ZC3H3: variants seen among roughly 807,000 people sequenced by gnomAD.
ZC3H3 encodes the protein zinc finger CCCH-type containing 3.
In ZC3H3, 36 loss-of-function variants were observed where a neutral mutation model predicts 77.3. The ratio of observed to expected loss-of-function variants is 0.47; its 90% CI spans 0.36 to 0.61. The LOEUF (loss-of-function observed/expected upper bound fraction) is 0.61, where lower values mean the gene tolerates loss of function less well. Among genes scored for constraint, ZC3H3 ranks in the 20% least tolerant of loss-of-function variants. ZC3H3 has a pLI of 0.00. For missense variants in ZC3H3, 1,331 were observed against 1,312.2 expected, an observed-to-expected ratio of 1.01 and a Z score of -0.22; for synonymous variants, 626 against 555.2, an observed-to-expected ratio of 1.13 and a Z score of -1.79.
intron 3 of ZC3H3, among the ~76,000 whole-genome samples, chr8:143,529,242 G>C (rs11782859): frequency 0.15 from 22,376 of 147,854 alleles, 1,769 homozygotes; most frequent in Admixed American, 0.22. Context: ...TGGTCACCGG[G>C]AGAAGCCGCT....
intron 4 of ZC3H3, among the ~76,000 whole-genome samples, chr8:143,483,111 C>A (rs1259716005): frequency 6.6e-6 from 1 of 150,502 alleles, no homozygotes; most frequent in Non-Finnish European, 1.5e-5. Context: ...GGAGCCCGAG[C>A]GGGGAGTGCG....
At chr8:143,461,008 G>A (rs1244957069) in intron 9 of ZC3H3, among the ~76,000 whole-genome samples, 1 of 152,136 alleles carries the variant, frequency 6.6e-6, no homozygotes. Context: ...CAGGAGTGAG[G>A]AAAACATTTT....
chr8:143,453,469 G>C (rs1307962236), intron 9 of ZC3H3, among the ~76,000 whole-genome samples: 1 of 152,144 alleles, frequency 6.6e-6, no homozygotes, highest in East Asian at 1.9e-4. Flanking sequence ...ATAAGGAAGA[G>C]GCATAACATT....
intron 8 of ZC3H3, among the ~76,000 whole-genome samples, chr8:143,467,311 G>A (rs377078444): frequency 3.3e-5 from 5 of 152,168 alleles, no homozygotes; most frequent in African/African-American, 9.7e-5. Context: ...TTTGCACCCC[G>A]CCACGTCCAC....
chr8:143,473,285 G>A (rs1003141638), intron 5 of ZC3H3, among the ~76,000 whole-genome samples: 5 of 152,026 alleles, frequency 3.3e-5, no homozygotes, highest in Admixed American at 6.6e-5. Flanking sequence ...TCTGCATGGC[G>A]GCCTCAGGAT....
chr8:143,483,005 A>G (rs1165566312), intron 4 of ZC3H3, among the ~76,000 whole-genome samples: 1 of 152,244 alleles, frequency 6.6e-6, no homozygotes, highest in African/African-American at 2.4e-5. Context: ...CGCCCAGGCC[A>G]GTGGCAACGT....
chr8:143,463,363 G>T (rs920005624), intron 9 of ZC3H3, among the ~76,000 whole-genome samples: 1 of 152,176 alleles, frequency 6.6e-6, no homozygotes, highest in African/African-American at 2.4e-5. Flanking sequence ...GAGCATCTGG[G>T]TGCCAGAAAG....
At chr8:143,505,204 C>G (rs1821650754) in intron 4 of ZC3H3, among the ~76,000 whole-genome samples, 1 of 152,216 alleles carries the variant, frequency 6.6e-6, no homozygotes, top group South Asian at 2.1e-4. Flanking sequence ...GCTCTGGTCT[C>G]AGGCTCCAGC....
chr8:143,526,472 G>A (rs928498595), intron 3 of ZC3H3, among the ~76,000 whole-genome samples: 3 of 152,194 alleles, frequency 2.0e-5, no homozygotes, highest in Non-Finnish European at 4.4e-5. Context: ...TCAGGACCCC[G>A]CCCAGCACGC....
chr8:143,455,978 C>CA (rs58754874), intron 9 of ZC3H3, among the ~76,000 whole-genome samples: 18,270 of 40,428 alleles, frequency 0.45, 4,122 homozygotes, highest in South Asian at 0.54. Context: ...GACTCTGTCT[C>CA]AAAAAAAAAA....
intron 4 of ZC3H3, among the ~76,000 whole-genome samples, chr8:143,486,438 C>G (rs1004407405): frequency 1.3e-5 from 2 of 152,224 alleles, no homozygotes; most frequent in Admixed American, 6.5e-5. Flanking sequence ...TGGGCATGTG[C>G]CCCTGGTGGC....
At chr8:143,502,395 C>A (rs1821553263) in intron 4 of ZC3H3, among the ~76,000 whole-genome samples, 1 of 152,248 alleles carries the variant, frequency 6.6e-6, no homozygotes, top group Admixed American at 6.5e-5. Flanking sequence ...CGTCCCCAGG[C>A]TGAATTCCTC....
At chr8:143,438,722 C>T (rs184381528) in intron 11 of ZC3H3, among the ~76,000 whole-genome samples, 31 of 152,310 alleles carry the variant, frequency 2.0e-4, no homozygotes, top group Admixed American at 7.8e-4. Context: ...CCAGACCACC[C>T]GACAGGCACC....
At chr8:143,469,568 C>T (rs1322396418) in intron 5 of ZC3H3, among the ~76,000 whole-genome samples, 1 of 152,248 alleles carries the variant, frequency 6.6e-6, no homozygotes, top group Non-Finnish European at 1.5e-5. Context: ...CTTTCTGAAA[C>T]CGCACACCAC....
At chr8:143,466,828 C>T (rs1476831793) in intron 8 of ZC3H3, among the ~76,000 whole-genome samples, 3 of 152,198 alleles carry the variant, frequency 2.0e-5, no homozygotes, top group African/African-American at 7.2e-5. Flanking sequence ...GCTCCCACTA[C>T]CCTTGTCCCC....
intron 3 of ZC3H3, among the ~76,000 whole-genome samples, chr8:143,515,789 C>T (rs1489936755): frequency 6.6e-6 from 1 of 152,240 alleles, no homozygotes; most frequent in East Asian, 1.9e-4. Flanking sequence ...GGGGCTGGGC[C>T]AAGGAGCCTT....
intron 4 of ZC3H3, among the ~76,000 whole-genome samples, chr8:143,506,983 G>A (rs948072942): frequency 2.0e-5 from 3 of 152,252 alleles, no homozygotes; most frequent in Non-Finnish European, 4.4e-5. Context: ...ATTCCCGCGG[G>A]GAGGGTCAGA....
chr8:143,473,890 G>T (rs1385217844), intron 5 of ZC3H3, among the ~76,000 whole-genome samples: 1 of 152,180 alleles, frequency 6.6e-6, no homozygotes, highest in African/African-American at 2.4e-5. Flanking sequence ...TTCACTCAGG[G>T]AAATGACTGC....
chr8:143,534,979 G>C (rs796567453), intron 3 of ZC3H3, among the ~76,000 whole-genome samples: 5 of 152,108 alleles, frequency 3.3e-5, no homozygotes, highest in African/African-American at 1.2e-4. Context: ...CACGGCTCTT[G>C]GGTCTGCCCA....
Sources: allele counts gnomAD v4.1 joint callset (sites outside exome capture counted in the v4.1 genomes callset), GRCh38; gene constraint gnomAD v4.1.1; transcripts MANE v1.5; gene names NCBI Gene and HGNC (gene_info 2026-07-23, HGNC 2026-07-21).